ALG3: variants seen among roughly 807,000 people sequenced by gnomAD.
The protein encoded by ALG3 is ALG3 alpha-1,3- mannosyltransferase.
A neutral mutation model predicts 50.5 loss-of-function variants in ALG3; 39 were observed. The observed-to-expected ratio is 0.77, with a 90% confidence interval of 0.60 to 1.01. ALG3 has a LOEUF of 1.01. ALG3 is among the 50% of genes least tolerant of loss of function. The pLI is 0.00. For synonymous variants in ALG3, 252 were observed against 237.2 expected, an observed-to-expected ratio of 1.06 and a Z score of -0.58; for missense variants, 520 against 554.8, an observed-to-expected ratio of 0.94 and a Z score of 0.63.
At chr3:184,243,692 C>A in intron 6 of ALG3, 62 bp from the exon 7 acceptor site, 1 of 1,599,424 alleles carries the variant, frequency 6.3e-7, no homozygotes, top group Non-Finnish European at 8.5e-7. Flanking sequence ...CTAGACTCAC[C>A]CCATGAGCTT....
Position 184,244,655 on chromosome 3 carries a change from T to C in ALG3, c.672A>G (p.Thr224=). The change falls in exon 5 of 9, where the codon ACA becomes ACG. Residue 224 remains threonine (T), a synonymous_variant. Transcript: ENST00000397676. ...GGAGGGCCCCACGGAAGCCAAACTG[T>C]GTGAGGAGAAGAAACAGTAACCCAG... The part of the protein sequence containing the change: ...FAPGLLFLLL[T]QFGFRGALPK... 1 of 1,610,720 alleles carries C rather than the reference T, an allele frequency of 6.2e-7. No individual in the cohort carries two copies.
At chr3:184,248,992 T>C (rs1051488754), upstream of ALG3, 34 of 1,544,300 alleles carry the variant, frequency 2.2e-5, no homozygotes, top group Non-Finnish European at 3.0e-5. Flanking sequence ...ACCCGAACCT[T>C]CGACACTTAG....
rs1237787715 is a variant in ALG3 at position 184,248,884 on chromosome 3, T to A, written c.57A>T (p.Gly19=). Residue 19 remains glycine, a synonymous_variant, in exon 1 of 9, where the codon GGA becomes GGT. Coordinates refer to ENST00000397676, the MANE Select transcript of ALG3 (RefSeq NM_005787.6). The stretch of plus-strand genomic sequence containing the variant: ...CGCGCTGCAGCCATTGCTTGCAGAG[T>A]CCCTCTGCCTGGGCCGCGGAACCGG... The part of the protein sequence containing the change: ...GRSGSAAQAE[G]LCKQWLQRAW... 11 of 1,604,050 alleles carry A rather than the reference T, an allele frequency of 6.9e-6. No individual in the cohort carries two copies. The highest frequency in any genetic ancestry group is 9.4e-6 in the Non-Finnish European group (11 of 1,175,716).
At position 184,242,327 on chromosome 3, in the gene ALG3, G is replaced by A; in HGVS notation, c.*187C>T. The A allele has an allele frequency of 2.4e-6, 2 of 828,900 alleles. No individual in the cohort carries two copies. Among genetic ancestry groups the A allele is most frequent in the Non-Finnish European group, 4.0e-6 (2 of 500,236 alleles). The allele number at this position is 828,900 out of a possible 1,614,324, so 51.3% of individuals were successfully genotyped here. A position where few individuals can be genotyped will look rare whatever the true frequency, so the allele number is the denominator to read the frequency against. Reference sequence around the variant, plus strand: ...ATCCTATGCAATAAAGTGCCTCTTAGGACTGCTTGAGTGAATTCTTTATCT... The same window carrying A: ...ATCCTATGCAATAAAGTGCCTCTTAAGACTGCTTGAGTGAATTCTTTATCT... On this transcript the variant is annotated 3_prime_UTR_variant, in exon 9 of 9. Transcript: ENST00000397676.
chr3:184,249,169 T>G, upstream of ALG3: 1 of 1,588,450 alleles, frequency 6.3e-7, no homozygotes, highest in Admixed American at 1.8e-5. Context: ...TACCCAGCCC[T>G]GGGTACACAG....
chr3:184,244,377 C>A, intron 5 of ALG3: 1 of 593,392 alleles, frequency 1.7e-6, no homozygotes, highest in Non-Finnish European at 2.8e-6. Flanking sequence ...GAGCCCATCT[C>A]AAAACTTAAA....
chr3:184,245,602 A>C lies in ALG3; in HGVS notation c.310T>G (p.Phe104Val), dbSNP rs753012485. 1.9e-6 allele frequency: 3 copies of C among 1,613,280 alleles called. No homozygotes were observed. In the Admixed American group the frequency reaches 5.0e-5, roughly 27 times the overall value. Reference sequence around the variant, plus strand: ...TACAACCCCATAAAGATGTACACGAAACCAGCTGGGTACCTGGAAGATGAG... The same window carrying C: ...TACAACCCCATAAAGATGTACACGACACCAGCTGGGTACCTGGAAGATGAG... ...DTGPLVYPAG[F>V]VYIFMGLYYA... The change falls in exon 3 of 9, where the codon TTC becomes GTC. Residue 104 changes from phenylalanine (F) to valine (V), a missense_variant. Phe to Val is a conservative substitution (Grantham distance 50, BLOSUM62 -1). Around this residue, in one of 3 missense-constraint regions of ALG3, gnomAD observed 290 missense variants for 265.9 expected, o/e 1.09. Transcript: ENST00000397676.
chr3:184,245,702 T>C lies in ALG3; in HGVS notation c.296+11A>G, dbSNP rs371645797. 6.2e-7 allele frequency: 1 copy of C among 1,611,472 alleles called. No individual in the cohort carries two copies. The highest frequency in any genetic ancestry group is 1.3e-5 in the African/African-American group (1 of 74,888). On this transcript the variant is annotated intron_variant, in intron 2 of 8. Transcript: ENST00000397676. ...CCTCACATCCTCCCTGAACTTCCTG[T>C]CCCCACTCACACAAGTGGTCCGGTG...
upstream of ALG3, chr3:184,249,033 G>A: frequency 6.5e-7 from 1 of 1,531,990 alleles, no homozygotes; most frequent in Non-Finnish European, 8.8e-7. Context: ...CGTCCCACCA[G>A]GCTAAGCGCC....
chr3:184,248,994 G>T, upstream of ALG3: 1 of 1,544,082 alleles, frequency 6.5e-7, no homozygotes, highest in South Asian at 1.2e-5. Flanking sequence ...CCGAACCTTC[G>T]ACACTTAGGT....
At chr3:184,244,149 C>A (rs932308346) in intron 5 of ALG3, among the ~76,000 whole-genome samples, 153 bp from the exon 6 acceptor site, 7 of 152,222 alleles carry the variant, frequency 4.6e-5, no homozygotes, top group South Asian at 2.1e-4. Context: ...TTCCCCACCC[C>A]CCGGCCCAGG....
chr3:184,249,345 C>T (rs1577110632), upstream of ALG3: 7 of 1,493,384 alleles, frequency 4.7e-6, no homozygotes, highest in East Asian at 4.7e-5. Flanking sequence ...GCCCTTCGAG[C>T]CTTCCGGATG....
At chr3:184,246,242 G>T (rs1709662) in intron 1 of ALG3, among the ~76,000 whole-genome samples, 48,414 of 151,980 alleles carry the variant, frequency 0.32, 8,278 homozygotes, top group African/African-American at 0.45. Context: ...GCCCCAATGA[G>T]TATACAATAG....
chr3:184,242,790 C>G (rs757450301), intron 8 of ALG3, 23 bp downstream of exon 8: 1 of 1,613,068 alleles, frequency 6.2e-7, no homozygotes, highest in Admixed American at 1.7e-5. Flanking sequence ...CTTCCCACTC[C>G]CCCAGGTTGT....
intron 1 of ALG3, among the ~76,000 whole-genome samples, chr3:184,247,129 C>A (rs543143264): frequency 6.6e-6 from 1 of 151,656 alleles, no homozygotes; most frequent in Admixed American, 6.6e-5. Context: ...GTGTTGAACT[C>A]CTGACCTCAG....
At chr3:184,244,893 G>T in intron 4 of ALG3, 172 bp from the exon 5 acceptor site, 1 of 940,054 alleles carries the variant, frequency 1.1e-6, no homozygotes, top group Admixed American at 2.4e-5. Flanking sequence ...CCTGGAGTAG[G>T]CAGGAGGCAG....
In ALG3 at chr3:184,245,500, G is replaced by A. The variant is rs1577104792; in HGVS notation, c.412C>T (p.Leu138Phe). 6.2e-7 allele frequency: 1 copy of A among 1,614,044 alleles called. No individual in the cohort carries two copies. The highest frequency in any genetic ancestry group is 8.5e-7 in the Non-Finnish European group (1 of 1,179,900). The change falls in exon 3 of 9, where the codon CTT becomes TTT. Residue 138 changes from leucine (L) to phenylalanine (F), a missense_variant. Leu to Phe is a conservative substitution (Grantham distance 22, BLOSUM62 0). This residue lies in a region of ALG3 where 290 missense variants were observed against 265.9 expected (regional missense o/e 1.09). Coordinates refer to ENST00000397676, the MANE Select transcript of ALG3 (RefSeq NM_005787.6). ...FAVLYLATLL[L>F]VFLIYHQTCK... ...GTCTGGTGATAGATCAAGAAGACAA[G>A]CAGCAAGGTAGCCAGGTAGAGCACA...
At chr3:184,248,973 C>T (rs1329968968), upstream of ALG3, 2 of 1,548,450 alleles carry the variant, frequency 1.3e-6, no homozygotes, top group South Asian at 2.4e-5. Context: ...GGGCCCACCA[C>T]CCCCGGAAAC....
rs1347773718 is a variant in ALG3, at chr3:184,243,914, A to C, written c.809T>G (p.Phe270Cys). 2 of 1,613,856 alleles carry C rather than the reference A, an allele frequency of 1.2e-6. No homozygotes were observed. Among genetic ancestry groups the C allele is most frequent in the Admixed American group, 1.7e-5 (1 of 60,030 alleles). Residue 270 changes from phenylalanine (F) to cysteine (C), a missense_variant, in exon 6 of 9, where the codon TTC (phenylalanine) becomes TGC (cysteine). Phe to Cys is a radical substitution (Grantham distance 205). Transcript: ENST00000397676. ...GAAGCGCCAGTTCACTGTCCAGTGG[A>C]ACAGAAACTGGCGGCCAAGGTCAAA... ...RSFDLGRQFL[F>C]HWTVNWRFLP...
Sources: allele counts gnomAD v4.1 joint callset (sites outside exome capture counted in the v4.1 genomes callset), GRCh38; gene constraint gnomAD v4.1.1; regional missense constraint gnomAD v4.1.1; transcripts MANE v1.5; gene names NCBI Gene and HGNC (gene_info 2026-07-23, HGNC 2026-07-21).